Variants in KANSL3 observed in about 807,000 individuals in gnomAD.
KANSL3 encodes the protein KAT8 regulatory NSL complex subunit 3.
In KANSL3, 16 loss-of-function variants were observed where a neutral mutation model predicts 89.2. That is an observed-to-expected ratio of 0.18 (90% CI 0.12 to 0.27). The LOEUF (loss-of-function observed/expected upper bound fraction) is 0.27, where lower values mean the gene tolerates loss of function less well. KANSL3 is among the 10% of genes least tolerant of loss of function. The pLI is 1.00. For synonymous variants in KANSL3, 385 were observed against 419.7 expected (o/e 0.92, Z 1.01); for missense variants, 879 against 1,110.6 (o/e 0.79, Z 2.96).
At chr2:96,600,648 C>T (rs2067046180) in intron 20 of KANSL3, 3 of 985,322 alleles carry the variant, frequency 3.0e-6, no homozygotes, top group Admixed American at 6.2e-5. Flanking sequence ...GGAAAGCACA[C>T]TCAGTACTAG....
At chr2:96,611,341 A>G (rs2068898877) in intron 9 of KANSL3, among the ~76,000 whole-genome samples, 1 of 152,172 alleles carries the variant, frequency 6.6e-6, no homozygotes. Flanking sequence ...GCCACTACCT[A>G]GAGAACTGGG....
At position 96,603,093 on chromosome 2, in the gene KANSL3, T is replaced by C. The variant is rs989270724; in HGVS notation, c.2150-231A>G. Reference sequence around the variant, plus strand: ...TGCCCCGGACTTGCTCTGCACCTGCTGCAAACCATCAGTCATACATTTTAG... The same window carrying C: ...TGCCCCGGACTTGCTCTGCACCTGCCGCAAACCATCAGTCATACATTTTAG... On this transcript the variant is annotated intron_variant, in intron 17 of 20. Transcript: ENST00000431828. Among the ~76,000 whole-genome samples, 5 of 152,206 alleles carry C rather than the reference T, an allele frequency of 3.3e-5. No homozygotes were observed. In the South Asian group the frequency reaches 6.2e-4, roughly 19 times the overall value.
rs1190671899 is a variant in KANSL3, at chr2:96,594,124, C to CA, written c.*1486dup. ...TATGAGCTCCCTTCTGGCTGCCACT[C>CA]AGACTGGCCAGGAAGGCTCCCAGAT... On this transcript the variant is annotated 3_prime_UTR_variant, in exon 21 of 21. Coordinates refer to ENST00000431828, the MANE Select transcript of KANSL3 (RefSeq NM_001115016.3). 1 of 152,300 alleles carries CA rather than the reference C, an allele frequency of 6.6e-6. No homozygotes were observed. The highest frequency in any genetic ancestry group is 2.4e-5 in the African/African-American group (1 of 41,424). 9.4% of individuals were successfully genotyped at this position (152,300 alleles called of 1,614,324 possible). A position where few individuals can be genotyped will look rare whatever the true frequency, so the allele number is the denominator to read the frequency against.
chr2:96,595,808 C>A (rs2066475581), intron 20 of KANSL3, among the ~76,000 whole-genome samples, 177 bp from the exon 21 acceptor site: 1 of 152,204 alleles, frequency 6.6e-6, no homozygotes, highest in Non-Finnish European at 1.5e-5. Flanking sequence ...GTTAACAGAA[C>A]ATGGACTCTA....
intron 3 of KANSL3, among the ~76,000 whole-genome samples, chr2:96,620,178 C>G (rs1010372165): frequency 1.3e-5 from 2 of 152,140 alleles, no homozygotes; most frequent in Non-Finnish European, 2.9e-5. Context: ...CAGACAGGAT[C>G]AGCAAGCATT....
At chr2:96,604,909 C>A in intron 15 of KANSL3, 46 bp from the exon 16 acceptor site, 1 of 1,492,672 alleles carries the variant, frequency 6.7e-7, no homozygotes. Flanking sequence ...CCTATTTGGC[C>A]TCTATGTTTC....
At position 96,593,580 on chromosome 2, in the gene KANSL3, T is replaced by C. The variant is rs891878980; in HGVS notation, c.*2031A>G. ...ATCCACGTTCTCACAGCTCCCCTTC[T>C]TCAGTTGTGGAGTTCTTCAAGGTGG... On this transcript the variant is annotated 3_prime_UTR_variant, in exon 21 of 21. Transcript: ENST00000431828. 3.2e-5 allele frequency: 10 copies of C among 317,138 alleles called. No homozygotes were observed. The East Asian group carries it at 7.7e-4, about 24-fold the overall frequency. The allele number at this position is 317,138 out of a possible 1,614,324, so 19.6% of individuals were successfully genotyped here. A position where few individuals can be genotyped will look rare whatever the true frequency, so the allele number is the denominator to read the frequency against.
Position 96,612,376 on chromosome 2 carries a change from C to G in KANSL3, c.1015-23G>C, listed in dbSNP as rs780277430. 5 of 1,610,082 alleles carry G rather than the reference C, an allele frequency of 3.1e-6. No individual in the cohort carries two copies. The South Asian group carries it at 5.5e-5, about 18-fold the overall frequency. ...AATCTTCATGGGAAGAGAAAGAAGA[C>G]AGTAAGACAGGAGGCCAAAGATAGG... On this transcript the variant is annotated intron_variant, in intron 8 of 20. Coordinates refer to ENST00000431828, the MANE Select transcript of KANSL3 (RefSeq NM_001115016.3).
Position 96,636,906 on chromosome 2 carries a change from G to A in KANSL3, c.215+15C>T, listed in dbSNP as rs550553466. The stretch of plus-strand genomic sequence containing the variant: ...CCAGTGAGGTTACCAGCAGCCCTTA[G>A]AAGCCCCAACTCACATGGTACTTTC... On this transcript the variant is annotated intron_variant, in intron 2 of 20. Coordinates refer to ENST00000431828, the MANE Select transcript of KANSL3 (RefSeq NM_001115016.3). 2.3e-5 allele frequency: 34 copies of A among 1,498,276 alleles called. No homozygotes were observed. In the African/African-American group the frequency reaches 3.6e-4, roughly 16 times the overall value. 92.8% of individuals were successfully genotyped at this position (1,498,276 alleles called of 1,614,324 possible). A position where few individuals can be genotyped will look rare whatever the true frequency, so the allele number is the denominator to read the frequency against.
intron 3 of KANSL3, 116 bp from the exon 4 acceptor site, chr2:96,619,878 C>T (rs1239897891): frequency 9.9e-6 from 8 of 805,210 alleles, no homozygotes; most frequent in South Asian, 5.4e-5. Flanking sequence ...AACAGTAAAA[C>T]GAAGTAGCTT....
intron 20 of KANSL3, among the ~76,000 whole-genome samples, chr2:96,600,065 C>T (rs2066962306): frequency 6.6e-6 from 1 of 152,160 alleles, no homozygotes; most frequent in African/African-American, 2.4e-5. Context: ...CAGCTATCTA[C>T]CTAACAGAAG....
intron 19 of KANSL3, 131 bp from the exon 20 acceptor site, chr2:96,601,907 G>T (rs62154845): frequency 7.3e-7 from 1 of 1,370,974 alleles, no homozygotes; most frequent in Non-Finnish European, 9.7e-7. Context: ...GGTCATCTAT[G>T]CCCTATCAGT....
chr2:96,610,189 G>GTAAGATGT (rs1443864689), intron 11 of KANSL3, among the ~76,000 whole-genome samples: 18 of 152,038 alleles, frequency 1.2e-4, no homozygotes, highest in Non-Finnish European at 2.4e-4. Flanking sequence ...CTTTGGCTAT[G>GTAAGATGT]TAAGATGTTT....
At chr2:96,627,150 C>T (rs1036682264) in intron 3 of KANSL3, among the ~76,000 whole-genome samples, 1 of 152,090 alleles carries the variant, frequency 6.6e-6, no homozygotes, top group African/African-American at 2.4e-5. Context: ...AATATTTAAA[C>T]CATTTCACAA....
Position 96,604,356 on chromosome 2 carries a change from G to C in KANSL3, c.2043C>G (p.Val681=), listed in dbSNP as rs780058191. The part of the protein sequence containing the change: ...TAKSSSSEGG[V]SASPVPSVVS... ...CCACTGAAGGGACTGGGCTGGCTGA[G>C]ACTCCACCTTCAGAAGAACTGGACC... The change falls in exon 17 of 21, where the codon GTC becomes GTG. Residue 681 remains valine, a synonymous_variant. Transcript: ENST00000431828. 1.2e-6 allele frequency: 2 copies of C among 1,612,526 alleles called. No homozygotes were observed. The highest frequency in any genetic ancestry group is 1.1e-5 in the South Asian group (1 of 91,084).
At chr2:96,592,474 C>T (rs1157548208), downstream of KANSL3, among the ~76,000 whole-genome samples, 1 of 152,176 alleles carries the variant, frequency 6.6e-6, no homozygotes, top group Non-Finnish European at 1.5e-5. Flanking sequence ...AAGAGCCCCA[C>T]CATATCAACA....
intron 3 of KANSL3, among the ~76,000 whole-genome samples, chr2:96,625,949 C>A (rs918749256): frequency 1.4e-4 from 21 of 152,174 alleles, no homozygotes; most frequent in African/African-American, 4.8e-4. Flanking sequence ...GGTGAGCCAA[C>A]TGGCACTCCC....
At chr2:96,600,660 C>A (rs761911267) in intron 20 of KANSL3, 3 of 985,306 alleles carry the variant, frequency 3.0e-6, no homozygotes, top group East Asian at 1.1e-4. Context: ...CAGTACTAGA[C>A]TCAAACTGTT....
chr2:96,626,279 T>C (rs987027039), intron 3 of KANSL3, among the ~76,000 whole-genome samples: 2 of 151,122 alleles, frequency 1.3e-5, no homozygotes, highest in Admixed American at 6.6e-5. Context: ...AACTCAACAG[T>C]CATACTTTCC....
Sources: gnomAD v4.1 joint callset for allele counts (sites outside exome capture counted in the v4.1 genomes callset) on GRCh38, gnomAD v4.1.1 for gene constraint, MANE v1.5 for transcripts, NCBI Gene and HGNC (gene_info 2026-07-23, HGNC 2026-07-21) for gene names.